The following DOK6 variants were observed in gnomAD, a reference collection of about 807,000 sequenced individuals.
DOK6 encodes the protein docking protein 6.
DOK6 carries 22 observed loss-of-function variants against 44.0 expected under a neutral mutation model. That is an observed-to-expected ratio of 0.50 (90% CI 0.36 to 0.71). The LOEUF (loss-of-function observed/expected upper bound fraction) is 0.71. DOK6 is among the 30% of genes least tolerant of loss of function. The probability of loss-of-function intolerance (pLI) is 0.00; values close to 1 mark genes in which losing one functional copy is unlikely to be tolerated. For synonymous variants in DOK6, 166 were observed against 145.5 expected (o/e 1.14, Z -1.01); for missense variants, 340 against 416.4 (o/e 0.82, Z 1.60).
intron 5 of DOK6, among the ~76,000 whole-genome samples, chr18:69,703,578 C>G (rs142592628): frequency 9.2e-5 from 14 of 152,288 alleles, no homozygotes; most frequent in Non-Finnish European, 2.1e-4. Flanking sequence ...TAGCTCAATA[C>G]AACAAAGATT....
intron 1 of DOK6, among the ~76,000 whole-genome samples, chr18:69,524,513 A>T (rs1981774901): frequency 6.6e-6 from 1 of 151,972 alleles, no homozygotes. Flanking sequence ...GGACAATAGC[A>T]TGTAGTGACT....
chr18:69,703,471 A>C (rs1442748544), intron 5 of DOK6, among the ~76,000 whole-genome samples: 1 of 152,234 alleles, frequency 6.6e-6, no homozygotes, highest in Non-Finnish European at 1.5e-5. Context: ...TAATATAGGA[A>C]TTGTAATAAA....
intron 4 of DOK6, among the ~76,000 whole-genome samples, chr18:69,685,342 T>A (rs1408440129): frequency 5.3e-5 from 8 of 152,208 alleles, no homozygotes; most frequent in African/African-American, 1.4e-4. Context: ...ATTCTAGTTT[T>A]TACATGCTAT....
At chr18:69,480,404 T>C (rs1980385479) in intron 1 of DOK6, among the ~76,000 whole-genome samples, 1 of 152,076 alleles carries the variant, frequency 6.6e-6, no homozygotes, top group African/African-American at 2.4e-5. Flanking sequence ...ACCAAACAGA[T>C]TTTTATTTGC....
At chr18:69,667,942 C>T (rs949495272) in intron 3 of DOK6, among the ~76,000 whole-genome samples, 1 of 152,188 alleles carries the variant, frequency 6.6e-6, no homozygotes, top group Non-Finnish European at 1.5e-5. Context: ...CCTATTCATC[C>T]ATCCACTTCA....
chr18:69,434,518 C>A (rs1052198920), intron 1 of DOK6, among the ~76,000 whole-genome samples: 1 of 151,864 alleles, frequency 6.6e-6, no homozygotes, highest in African/African-American at 2.4e-5. Flanking sequence ...TGGCCAGGCA[C>A]GGTGGCTCAC....
At chr18:69,526,744 G>A (rs1981842057) in intron 1 of DOK6, among the ~76,000 whole-genome samples, 2 of 152,014 alleles carry the variant, frequency 1.3e-5, no homozygotes, top group African/African-American at 4.8e-5. Context: ...TTGTTTTATG[G>A]TCCAGCATAT....
intron 4 of DOK6, among the ~76,000 whole-genome samples, chr18:69,697,908 T>G (rs1986424178): frequency 6.6e-6 from 1 of 152,216 alleles, no homozygotes; most frequent in Non-Finnish European, 1.5e-5. Flanking sequence ...ACAAACTAAA[T>G]GATTTTTCCA....
intron 1 of DOK6, among the ~76,000 whole-genome samples, chr18:69,457,486 G>C (rs970905797): frequency 6.6e-6 from 1 of 152,058 alleles, no homozygotes; most frequent in Admixed American, 6.6e-5. Context: ...ATGTTCCACT[G>C]GTCTATGTGT....
At chr18:69,429,378 G>T (rs1978732294) in intron 1 of DOK6, among the ~76,000 whole-genome samples, 1 of 151,794 alleles carries the variant, frequency 6.6e-6, no homozygotes, top group South Asian at 2.1e-4. Flanking sequence ...TTTACTAAAT[G>T]TTAAGATGAT....
intron 7 of DOK6, among the ~76,000 whole-genome samples, chr18:69,782,210 A>ATT (rs10712475): frequency 2.7e-5 from 3 of 109,124 alleles, no homozygotes; most frequent in South Asian, 2.9e-4. Flanking sequence ...GTGTTCTAAG[A>ATT]TTTTTTTTTT....
At chr18:69,434,776 G>T (rs1234356801) in intron 1 of DOK6, among the ~76,000 whole-genome samples, 1 of 151,750 alleles carries the variant, frequency 6.6e-6, no homozygotes, top group Non-Finnish European at 1.5e-5. Context: ...ACAAAAATTA[G>T]CTAGGCACTG....
intron 7 of DOK6, among the ~76,000 whole-genome samples, chr18:69,812,037 A>T (rs558120896): frequency 0.039 from 6,010 of 152,246 alleles, 187 homozygotes; most frequent in South Asian, 0.15. Context: ...TATTTAACAA[A>T]TACATACATA....
chr18:69,430,289 G>A (rs1978767298), intron 1 of DOK6, among the ~76,000 whole-genome samples: 1 of 152,126 alleles, frequency 6.6e-6, no homozygotes, highest in Admixed American at 6.5e-5. Context: ...TTCAGAAAGG[G>A]ACTGTAGTTA....
intron 7 of DOK6, among the ~76,000 whole-genome samples, chr18:69,836,961 A>G (rs1218704497): frequency 2.0e-5 from 3 of 152,190 alleles, no homozygotes; most frequent in Non-Finnish European, 2.9e-5. Context: ...GAGGTATGCT[A>G]TTTTTGTAAT....
chr18:69,653,809 A>T (rs1211331343), intron 3 of DOK6, among the ~76,000 whole-genome samples: 5 of 152,222 alleles, frequency 3.3e-5, no homozygotes, highest in South Asian at 2.1e-4. Context: ...TCCTCAAATT[A>T]TCGCTATAAT....
At chr18:69,556,752 T>A (rs529556741) in intron 1 of DOK6, among the ~76,000 whole-genome samples, 1 of 152,370 alleles carries the variant, frequency 6.6e-6, no homozygotes, top group East Asian at 1.9e-4. Flanking sequence ...TCTACCTATC[T>A]ATTTAACAGC....
chr18:69,425,713 T>TA (rs374319905), intron 1 of DOK6, among the ~76,000 whole-genome samples: 17 of 151,736 alleles, frequency 1.1e-4, no homozygotes, highest in Non-Finnish European at 1.5e-4. Flanking sequence ...TTTAAAGTGT[T>TA]AAAAAAAATG....
chr18:69,503,782 G>T (rs1599162515), intron 1 of DOK6, among the ~76,000 whole-genome samples: 1 of 151,734 alleles, frequency 6.6e-6, no homozygotes, highest in Non-Finnish European at 1.5e-5. Flanking sequence ...TGACATATGT[G>T]TCATTTTATA....
Sources: gnomAD v4.1 joint callset for allele counts (sites outside exome capture counted in the v4.1 genomes callset) on GRCh38, gnomAD v4.1.1 for gene constraint, MANE v1.5 for transcripts, NCBI Gene and HGNC (gene_info 2026-07-23, HGNC 2026-07-21) for gene names.